Variants in CHRNB1 observed in about 807,000 individuals in gnomAD.
CHRNB1 encodes acetylcholine receptor subunit beta.
In CHRNB1, 47 loss-of-function variants were observed where a neutral mutation model predicts 53.8. That is an observed-to-expected ratio of 0.87 (90% CI 0.69 to 1.11). The LOEUF is 1.11. Among genes scored for constraint, CHRNB1 ranks in the 50% most tolerant of loss-of-function variants. CHRNB1 has a pLI of 0.00. For synonymous variants in CHRNB1, 259 were observed against 263.5 expected, an observed-to-expected ratio of 0.98 and a Z score of 0.16; for missense variants, 605 against 654.9, an observed-to-expected ratio of 0.92 and a Z score of 0.83.
intron 7 of CHRNB1, among the ~76,000 whole-genome samples, chr17:7,453,338 C>G (rs1357665956): frequency 1.3e-5 from 2 of 152,002 alleles, no homozygotes; most frequent in Non-Finnish European, 2.9e-5. Context: ...AGGCTGGTCT[C>G]GAACCCCTGA....
chr17:7,447,479 C>G, intron 5 of CHRNB1, 24 bp from the exon 6 acceptor site: 1 of 1,614,092 alleles, frequency 6.2e-7, no homozygotes, highest in Non-Finnish European at 8.5e-7. Flanking sequence ...TCTGGCAGCT[C>G]TAGTGACTCT....
intron 10 of CHRNB1, 82 bp downstream of exon 10, chr17:7,456,023 G>GA: frequency 1.1e-6 from 1 of 887,406 alleles, no homozygotes; most frequent in East Asian, 3.8e-5. Flanking sequence ...ACTCGCTTTC[G>GA]TTTTTTTTGT....
intron 5 of CHRNB1, 159 bp from the exon 6 acceptor site, chr17:7,447,344 G>C: frequency 2.1e-6 from 2 of 955,338 alleles, no homozygotes; most frequent in Non-Finnish European, 3.3e-6. Context: ...GTCTTACTCA[G>C]TGACCGCCCT....
chr17:7,447,211 C>T lies in CHRNB1; in HGVS notation c.462+60C>T. 5 of 1,410,298 alleles carry T rather than the reference C, an allele frequency of 3.5e-6. No homozygotes were observed. In the South Asian group the frequency reaches 5.8e-5, roughly 16 times the overall value. The allele number at this position is 1,410,298 out of a possible 1,614,324, so 87.4% of individuals were successfully genotyped here. On this transcript the variant is annotated intron_variant, in intron 5 of 10. Transcript: ENST00000306071. Reference sequence around the variant, plus strand: ...CTTACAAATCCTCCCTTTCCTTAGACATCCTGACTCCCCGGCGACTCCCAT... The same window carrying T: ...CTTACAAATCCTCCCTTTCCTTAGATATCCTGACTCCCCGGCGACTCCCAT...
At position 7,445,989 on chromosome 17, in the gene CHRNB1, A is replaced by C. The variant is rs1908591511; in HGVS notation, c.199-80A>C. 13 of 1,267,424 alleles carry C rather than the reference A, an allele frequency of 1.0e-5. No individual in the cohort carries two copies. The highest frequency in any genetic ancestry group is 1.4e-5 in the Non-Finnish European group (12 of 865,038). The allele number at this position is 1,267,424 out of a possible 1,614,324, so 78.5% of individuals were successfully genotyped here. A position where few individuals can be genotyped will look rare whatever the true frequency, so the allele number is the denominator to read the frequency against. The stretch of plus-strand genomic sequence containing the variant: ...CTCAGAAAAAGGGGGCGGCGTTCCC[A>C]GGAGAGAGGTTGGCCCCCCGAGCCC... On this transcript the variant is annotated intron_variant, in intron 2 of 10. Coordinates refer to ENST00000306071, the MANE Select transcript of CHRNB1 (RefSeq NM_000747.3). This position sits in a 1 kb window ranked among gnomAD's most constrained non-coding sequence, Gnocchi z 5.7.
chr17:7,455,272 T>A lies in CHRNB1; in HGVS notation c.1045-12T>A. Reference sequence around the variant, plus strand: ...TGAAAGCCCCCACCAATACGCCTCTTCTACTCTGCAGATCTTCATTCACAA... The same window carrying A: ...TGAAAGCCCCCACCAATACGCCTCTACTACTCTGCAGATCTTCATTCACAA... On this transcript the variant is annotated splice_polypyrimidine_tract_variant and intron_variant, in intron 8 of 10. Coordinates refer to ENST00000306071, the MANE Select transcript of CHRNB1 (RefSeq NM_000747.3). 1 of 1,613,968 alleles carries A rather than the reference T, an allele frequency of 6.2e-7. No homozygotes were observed.
intron 9 of CHRNB1, 98 bp downstream of exon 9, chr17:7,455,554 G>A: frequency 1.4e-6 from 2 of 1,455,172 alleles, no homozygotes; most frequent in Middle Eastern, 2.2e-4. Flanking sequence ...GGAAGACGCT[G>A]TGGTTGAGCA....
Position 7,454,374 on chromosome 17 carries a change from G to C in CHRNB1, c.898G>C (p.Glu300Gln), listed in dbSNP as rs945086307. The C allele has an allele frequency of 3.7e-6, 6 of 1,613,972 alleles. No individual in the cohort carries two copies. In the Admixed American group the frequency reaches 6.7e-5, roughly 18 times the overall value. Residue 300 changes from glutamate (E) to glutamine (Q), a missense_variant, in exon 8 of 11, where the codon GAG becomes CAG. Physicochemically the swap from Glu to Gln is conservative, Grantham distance 29 (BLOSUM62 2). Coordinates refer to ENST00000306071, the MANE Select transcript of CHRNB1 (RefSeq NM_000747.3). ...FLLLLADKVP[E>Q]TSLSVPIIIK... Reference sequence around the variant, plus strand: ...GCTGCTGCTGGCTGACAAAGTACCTGAGACCTCACTATCAGTACCCATTAT... The same window carrying C: ...GCTGCTGCTGGCTGACAAAGTACCTCAGACCTCACTATCAGTACCCATTAT...
At chr17:7,455,589 T>G (rs1260177285) in intron 9 of CHRNB1, 133 bp downstream of exon 9, 8 of 1,277,960 alleles carry the variant, frequency 6.3e-6, no homozygotes, top group Middle Eastern at 2.5e-4. Flanking sequence ...GTACTCCTGC[T>G]GCTCACTTTG....
Position 7,455,454 on chromosome 17 carries a change from T to C in CHRNB1, c.1215T>C (p.Asn405=), listed in dbSNP as rs770580423. The C allele has an allele frequency of 6.2e-7, 1 of 1,613,940 alleles. No homozygotes were observed. The highest frequency in any genetic ancestry group is 1.3e-5 in the African/African-American group (1 of 74,992). Residue 405 remains asparagine (N), a splice_region_variant and synonymous_variant, in exon 9 of 11, where the codon AAT becomes AAC. Coordinates refer to ENST00000306071, the MANE Select transcript of CHRNB1 (RefSeq NM_000747.3). The part of the protein sequence containing the change: ...PPSDFLFPKP[N]RFQPELSAPD... The stretch of plus-strand genomic sequence containing the variant: ...GTGATTTTCTCTTCCCCAAACCCAA[T>C]AGGTAGGACTACGCCCGTTACCCAC...
chr17:7,456,482 C>T, intron 10 of CHRNB1, 101 bp from the exon 11 acceptor site: 2 of 1,504,572 alleles, frequency 1.3e-6, no homozygotes, highest in Non-Finnish European at 9.2e-7. Flanking sequence ...TGCCTCAAAC[C>T]AGTGGTAGGA....
rs1236106813 is a variant in CHRNB1, at chr17:7,455,876, C to A, written c.1300C>A (p.Arg434=). ...NRAVALLPEL[R]EVVSSISYIA... The stretch of plus-strand genomic sequence containing the variant: ...GGCTGTGGCCCTGCTTCCGGAGCTA[C>A]GGGAGGTCGTCTCCTCTATCAGCTA... The change falls in exon 10 of 11, where the codon CGG becomes AGG. Residue 434 remains arginine, a synonymous_variant. Transcript: ENST00000306071. The A allele has an allele frequency of 6.2e-7, 1 of 1,613,996 alleles. No homozygotes were observed. The highest frequency in any genetic ancestry group is 1.7e-5 in the Admixed American group (1 of 60,000).
At chr17:7,455,160 G>A (rs1261310431) in intron 8 of CHRNB1, 124 bp from the exon 9 acceptor site, 1 of 1,103,098 alleles carries the variant, frequency 9.1e-7, no homozygotes, top group African/African-American at 1.5e-5. Context: ...TAGCTCGTTT[G>A]TGGAAGAATA....
At position 7,447,597 on chromosome 17, in the gene CHRNB1, G is replaced by A. The variant is rs1057285322; in HGVS notation, c.557G>A (p.Gly186Asp). The change falls in exon 6 of 11, where the codon GGT becomes GAT. Residue 186 changes from glycine (G) to aspartate (D), a missense_variant. Coordinates refer to ENST00000306071, the MANE Select transcript of CHRNB1 (RefSeq NM_000747.3). Reference sequence around the variant, plus strand: ...GAGGTCAGCCTGCAGACAGGCCTGGGTCCTGACGGGCAAGGGCATCAGGAA... The same window carrying A: ...GAGGTCAGCCTGCAGACAGGCCTGGATCCTGACGGGCAAGGGCATCAGGAA... ...SSEVSLQTGLGPDGQGHQEIH... is the reference protein window; with the variant it reads ...SSEVSLQTGLDPDGQGHQEIH... 3.1e-6 allele frequency: 5 copies of A among 1,614,104 alleles called. No individual in the cohort carries two copies. The African/African-American group carries it at 6.7e-5, about 22-fold the overall frequency.
rs1403746058 is a variant in CHRNB1, at chr17:7,446,734, G to A, written c.244-99G>A. 3 of 912,724 alleles carry A rather than the reference G, an allele frequency of 3.3e-6. No individual in the cohort carries two copies. In the African/African-American group the frequency reaches 4.9e-5, roughly 15 times the overall value. The allele number at this position is 912,724 out of a possible 1,614,324, so 56.5% of individuals were successfully genotyped here. ...TTGACCCACAGTTTATGCCTGTCCT[G>A]CTCCCCTTCCTTGCACTCCCTTCCT... On this transcript the variant is annotated intron_variant, in intron 3 of 10. Coordinates refer to ENST00000306071, the MANE Select transcript of CHRNB1 (RefSeq NM_000747.3).
intron 7 of CHRNB1, among the ~76,000 whole-genome samples, chr17:7,449,401 C>T (rs979881523): frequency 7.5e-6 from 1 of 132,998 alleles, no homozygotes; most frequent in African/African-American, 2.9e-5. Context: ...CAGGGCCCGA[C>T]CTTTTTTTTT....
At position 7,447,525 on chromosome 17, in the gene CHRNB1, G is replaced by A; in HGVS notation, c.485G>A (p.Trp162Ter). The A allele has an allele frequency of 1.2e-6, 2 of 1,614,142 alleles. No individual in the cohort carries two copies. Among genetic ancestry groups the A allele is most frequent in the Non-Finnish European group, 1.7e-6 (2 of 1,180,030 alleles). ...SIQVTYFPFD[W>*]QNCTMVFSSY... is the part of the protein sequence containing the mutation. The stretch of plus-strand genomic sequence containing the variant: ...CAGGTCACCTACTTCCCCTTCGACT[G>A]GCAGAATTGCACTATGGTGTTCAGC... Residue 162 changes from tryptophan (W) to a stop codon, truncating the protein, a stop_gained, in exon 6 of 11, where the codon TGG becomes TAG. Transcript: ENST00000306071. LOFTEE classifies it high-confidence loss of function.
At chr17:7,451,526 C>T (rs1363241952) in intron 7 of CHRNB1, among the ~76,000 whole-genome samples, 1 of 152,052 alleles carries the variant, frequency 6.6e-6, no homozygotes, top group Non-Finnish European at 1.5e-5. Context: ...AATGATCCAC[C>T]CGCCTTGGCC....
At position 7,445,438 on chromosome 17, in the gene CHRNB1, G is replaced by T; in HGVS notation, c.198+29G>T. 1 of 1,608,098 alleles carries T rather than the reference G, an allele frequency of 6.2e-7. No homozygotes were observed. Among genetic ancestry groups the T allele is most frequent in the Admixed American group, 1.7e-5 (1 of 59,684 alleles). On this transcript the variant is annotated intron_variant, in intron 2 of 10. Transcript: ENST00000306071. The surrounding 1 kb of genome is among the most constrained non-coding windows in gnomAD (Gnocchi z 5.7). ...AGGGCGCGCGGGGGGTGGAGGTCAG[G>T]CCAGCCGACCGGCCGGGGGCGTGGC...
Sources: gnomAD v4.1 joint callset for allele counts (sites outside exome capture counted in the v4.1 genomes callset) on GRCh38, gnomAD v4.1.1 for gene constraint, Gnocchi (gnomAD v3.1) non-coding constraint, MANE v1.5 for transcripts, NCBI Gene and HGNC (gene_info 2026-07-23, HGNC 2026-07-21) for gene names.